ITPR1: variants seen among roughly 807,000 people sequenced by gnomAD.
ITPR1 encodes the protein inositol 1,4,5-trisphosphate-gated calcium channel ITPR1.
In ITPR1, 96 loss-of-function variants were observed where a neutral mutation model predicts 318.4. The observed-to-expected ratio is 0.30, with a 90% CI of 0.26 to 0.36. The LOEUF is 0.36. Ranked by LOEUF, ITPR1 falls within the 10% of genes least tolerant of loss-of-function variation. ITPR1 has a pLI of 1.00. For synonymous variants in ITPR1, 1,312 were observed against 1,289.9 expected, an observed-to-expected ratio of 1.02 and a Z score of -0.37; for missense variants, 2,440 against 3,460.2, an observed-to-expected ratio of 0.71 and a Z score of 7.40.
At chr3:4,843,740 G>A (rs2051545818) in intron 61 of ITPR1, among the ~76,000 whole-genome samples, 1 of 152,156 alleles carries the variant, frequency 6.6e-6, no homozygotes, top group Non-Finnish European at 1.5e-5. Context: ...GACGGAGGGA[G>A]GGTGGGCGAT....
chr3:4,613,512 A>G (rs1479415467), intron 4 of ITPR1, among the ~76,000 whole-genome samples: 1 of 152,158 alleles, frequency 6.6e-6, no homozygotes, highest in Non-Finnish European at 1.5e-5. Context: ...TCCTTGGGCC[A>G]GGGAATGCTC....
At chr3:4,573,044 A>AT (rs1313690118) in intron 4 of ITPR1, among the ~76,000 whole-genome samples, 2 of 152,198 alleles carry the variant, frequency 1.3e-5, no homozygotes, top group East Asian at 3.9e-4. Flanking sequence ...TAGTGCTGCT[A>AT]TGACCATGGG....
rs35099159 is a variant in ITPR1 at position 4,829,954 on chromosome 3, G to GTTT, written c.8029-6797_8029-6795dup. 2.7e-3 allele frequency among the ~76,000 whole-genome samples: 73 copies of GTTT among 27,058 alleles called. 7 individuals carry two copies. Among genetic ancestry groups the GTTT allele is most frequent in the African/African-American group, 5.1e-3 (44 of 8,666 alleles). 17.8% of individuals were successfully genotyped at this position (27,058 alleles called of 152,430 possible). On this transcript the variant is annotated intron_variant, in intron 60 of 61. Transcript: ENST00000649015. ...GGTTTTTTTTAAAACATGTATAACAGTTTTTTTTTTTTTTTTTTTTTTTTT... is the reference window on the plus strand; with the variant it reads ...GGTTTTTTTTAAAACATGTATAACAGTTTTTTTTTTTTTTTTTTTTTTTTTTTT...
intron 31 of ITPR1, among the ~76,000 whole-genome samples, chr3:4,690,016 C>A (rs570203881): frequency 3.3e-5 from 5 of 152,220 alleles, no homozygotes; most frequent in African/African-American, 1.2e-4. Flanking sequence ...GTGGCTCACG[C>A]CTGTAATCCC....
chr3:4,533,557 A>C (rs2083595672), intron 4 of ITPR1, among the ~76,000 whole-genome samples: 1 of 152,222 alleles, frequency 6.6e-6, no homozygotes, highest in South Asian at 2.1e-4. Context: ...TTGTGACTGA[A>C]TTTGCAATTA....
chr3:4,661,571 G>C (rs563638491), intron 14 of ITPR1, among the ~76,000 whole-genome samples: 2 of 151,032 alleles, frequency 1.3e-5, no homozygotes, highest in Non-Finnish European at 2.9e-5. Flanking sequence ...TAAGTAAATA[G>C]ACATGGGGGT....
At chr3:4,714,906 G>T (rs1162126515) in intron 39 of ITPR1, among the ~76,000 whole-genome samples, 1 of 151,978 alleles carries the variant, frequency 6.6e-6, no homozygotes, top group Non-Finnish European at 1.5e-5. Context: ...TAGAATCACT[G>T]TAAGACTGAC....
intron 59 of ITPR1, among the ~76,000 whole-genome samples, chr3:4,816,673 G>A (rs999306013): frequency 6.6e-6 from 1 of 152,324 alleles, no homozygotes; most frequent in South Asian, 2.1e-4. Context: ...ACAGGCATGA[G>A]CCACTGCGCC....
At chr3:4,587,546 C>T (rs1210333044) in intron 4 of ITPR1, among the ~76,000 whole-genome samples, 2 of 152,184 alleles carry the variant, frequency 1.3e-5, no homozygotes, top group Non-Finnish European at 2.9e-5. Flanking sequence ...ACTGGGATTA[C>T]AGGCATGAGC....
intron 60 of ITPR1, among the ~76,000 whole-genome samples, chr3:4,819,777 G>A (rs759948141): frequency 8.5e-5 from 13 of 152,170 alleles, no homozygotes; most frequent in Non-Finnish European, 1.5e-4. Context: ...AGAGGATGAA[G>A]TCACTAGGGT....
At chr3:4,609,083 T>TATATATATAC (rs2091919982) in intron 4 of ITPR1, among the ~76,000 whole-genome samples, 1 of 92,362 alleles carries the variant, frequency 1.1e-5, no homozygotes, top group Admixed American at 1.1e-4. Context: ...TATATATATA[T>TATATATATAC]ATATATACAC....
chr3:4,723,668 C>T (rs969370442), intron 40 of ITPR1, among the ~76,000 whole-genome samples: 11 of 151,470 alleles, frequency 7.3e-5, no homozygotes, highest in African/African-American at 4.9e-5. Context: ...AGACGACATA[C>T]TAGTTCCATC....
chr3:4,843,070 A>AG (rs1177519494), intron 61 of ITPR1, among the ~76,000 whole-genome samples: 52 of 117,456 alleles, frequency 4.4e-4, no homozygotes, highest in Admixed American at 1.5e-3. Context: ...CAGGGTTTTG[A>AG]GGGGTTTTTT....
At chr3:4,528,292 T>C (rs1051012878) in intron 4 of ITPR1, among the ~76,000 whole-genome samples, 2 of 152,124 alleles carry the variant, frequency 1.3e-5, no homozygotes, top group African/African-American at 4.8e-5. Context: ...TGTCCAGAAA[T>C]AGGTTCTTAT....
At chr3:4,763,174 G>C (rs1216861177) in intron 44 of ITPR1, among the ~76,000 whole-genome samples, 1 of 152,068 alleles carries the variant, frequency 6.6e-6, no homozygotes, top group East Asian at 1.9e-4. Flanking sequence ...ACACAGGGAG[G>C]GGAACAACAC....
chr3:4,810,387 C>T (rs2048857441), intron 55 of ITPR1, among the ~76,000 whole-genome samples: 1 of 152,202 alleles, frequency 6.6e-6, no homozygotes, highest in Admixed American at 6.5e-5. Context: ...TAGCCATCAT[C>T]CTCCCATACC....
intron 24 of ITPR1, among the ~76,000 whole-genome samples, chr3:4,679,690 G>T (rs1033045826): frequency 6.6e-6 from 1 of 152,188 alleles, no homozygotes; most frequent in African/African-American, 2.4e-5. Context: ...AGTTGTACAA[G>T]CTGTCTAGGT....
chr3:4,700,080 A>T, intron 35 of ITPR1, 139 bp downstream of exon 35: 1 of 701,446 alleles, frequency 1.4e-6, no homozygotes, highest in Non-Finnish European at 2.3e-6. Flanking sequence ...TTGGTGGAAG[A>T]TAGCTTTGAT....
At chr3:4,574,540 T>C (rs891911722) in intron 4 of ITPR1, among the ~76,000 whole-genome samples, 1 of 152,206 alleles carries the variant, frequency 6.6e-6, no homozygotes, top group African/African-American at 2.4e-5. Flanking sequence ...CCAGTTTGTT[T>C]GGGATCATAC....
Sources: allele counts gnomAD v4.1 joint callset (sites outside exome capture counted in the v4.1 genomes callset), GRCh38; gene constraint gnomAD v4.1.1; transcripts MANE v1.5; gene names NCBI Gene and HGNC (gene_info 2026-07-23, HGNC 2026-07-21).